Variants in ZNF385B observed in about 807,000 individuals in gnomAD.
ZNF385B encodes zinc finger protein 533.
Under a neutral mutation model 39.2 loss-of-function variants are expected in ZNF385B, and 23 were observed. The ratio of observed to expected loss-of-function variants is 0.59; its 90% CI spans 0.42 to 0.83. The LOEUF is 0.83. Among genes scored for constraint, ZNF385B ranks in the 40% least tolerant of loss-of-function variants. The pLI is 0.00. For missense variants in ZNF385B, 552 were observed against 598.9 expected (o/e 0.92, Z 0.82); for synonymous variants, 205 against 222.6 (o/e 0.92, Z 0.70).
chr2:179,472,763 C>T (rs1179981070), intron 6 of ZNF385B, among the ~76,000 whole-genome samples: 1 of 152,130 alleles, frequency 6.6e-6, no homozygotes, highest in African/African-American at 2.4e-5. Flanking sequence ...ATCATACCCC[C>T]CCTCCCTAGC....
intron 1 of ZNF385B, among the ~76,000 whole-genome samples, chr2:179,799,279 T>C (rs1175713160): frequency 6.6e-6 from 1 of 152,076 alleles, no homozygotes; most frequent in Non-Finnish European, 1.5e-5. Flanking sequence ...TTTAAAAGCA[T>C]ACCTCAAGCT....
chr2:179,648,055 A>G (rs1692882840), intron 3 of ZNF385B, among the ~76,000 whole-genome samples: 1 of 152,142 alleles, frequency 6.6e-6, no homozygotes, highest in African/African-American at 2.4e-5. Context: ...GGGCCTCCAG[A>G]GGACAATGAA....
intron 6 of ZNF385B, among the ~76,000 whole-genome samples, chr2:179,450,307 G>A (rs1040647398): frequency 2.6e-5 from 4 of 152,120 alleles, no homozygotes; most frequent in African/African-American, 9.7e-5. Flanking sequence ...CCATCAGAGC[G>A]AACAGGCAAC....
intron 4 of ZNF385B, among the ~76,000 whole-genome samples, chr2:179,522,508 A>G (rs2058575712): frequency 8.7e-6 from 1 of 115,368 alleles, no homozygotes; most frequent in Non-Finnish European, 1.8e-5. Context: ...CAAGTAACTC[A>G]TTTTAGTACA....
At chr2:179,732,316 C>T (rs1214725570) in intron 3 of ZNF385B, among the ~76,000 whole-genome samples, 1 of 152,192 alleles carries the variant, frequency 6.6e-6, no homozygotes, top group Non-Finnish European at 1.5e-5. Context: ...TTCACAAACA[C>T]TAACTTTACC....
At position 179,588,824 on chromosome 2, in the gene ZNF385B, G is replaced by A. The variant is rs527729202; in HGVS notation, c.299-43855C>T. 2.6e-5 allele frequency among the ~76,000 whole-genome samples: 4 copies of A among 152,274 alleles called. No individual in the cohort carries two copies. In the East Asian group the frequency reaches 7.7e-4, roughly 29 times the overall value. On this transcript the variant is annotated intron_variant, in intron 3 of 9. Coordinates refer to ENST00000410066, the MANE Select transcript of ZNF385B (RefSeq NM_152520.6). ...CCATCAATGGTGGTGAGTCTGAAAAGGAAAATGTGATGATACAATAGGGCT... is the reference window on the plus strand; with the variant it reads ...CCATCAATGGTGGTGAGTCTGAAAAAGAAAATGTGATGATACAATAGGGCT...
intron 3 of ZNF385B, among the ~76,000 whole-genome samples, chr2:179,674,541 T>G (rs1696487835): frequency 1.3e-5 from 2 of 152,238 alleles, no homozygotes; most frequent in South Asian, 4.1e-4. Flanking sequence ...GCCAATATTC[T>G]AGAATTTTCA....
intron 1 of ZNF385B, among the ~76,000 whole-genome samples, chr2:179,803,401 T>C (rs897925234): frequency 1.3e-5 from 2 of 152,208 alleles, no homozygotes; most frequent in Non-Finnish European, 2.9e-5. Context: ...CCATTTTTAC[T>C]AGTGCATGAC....
intron 1 of ZNF385B, among the ~76,000 whole-genome samples, chr2:179,849,935 T>C (rs1052602216): frequency 1.3e-5 from 2 of 152,208 alleles, no homozygotes; most frequent in East Asian, 1.9e-4. Flanking sequence ...CAGCACAACC[T>C]GTGAGAAGTC....
chr2:179,793,924 T>C (rs955371573), intron 1 of ZNF385B, among the ~76,000 whole-genome samples: 7 of 152,268 alleles, frequency 4.6e-5, no homozygotes, highest in Admixed American at 3.9e-4. Context: ...AAATGAGATA[T>C]GCAACCATTA....
chr2:179,443,072 C>G lies in ZNF385B; in HGVS notation c.*178G>C. On this transcript the variant is annotated 3_prime_UTR_variant, in exon 10 of 10. Coordinates refer to ENST00000410066, the MANE Select transcript of ZNF385B (RefSeq NM_152520.6). ...GATTCCTCAATTATAGGAGCAGTCTCTAAAAGCCCTCGTCAATCTAGTGAT... is the reference window on the plus strand; with the variant it reads ...GATTCCTCAATTATAGGAGCAGTCTGTAAAAGCCCTCGTCAATCTAGTGAT... 1.4e-6 allele frequency: 1 copy of G among 724,428 alleles called. No individual in the cohort carries two copies. The highest frequency in any genetic ancestry group is 1.7e-5 in the South Asian group (1 of 60,434). The allele number at this position is 724,428 out of a possible 1,614,324, so 44.9% of individuals were successfully genotyped here.
intron 1 of ZNF385B, among the ~76,000 whole-genome samples, chr2:179,839,175 G>A (rs539259491): frequency 3.4e-4 from 52 of 152,234 alleles, no homozygotes; most frequent in South Asian, 1.0e-3. Flanking sequence ...CCTTGAAAGC[G>A]TATTTGGCAT....
chr2:179,834,352 G>A (rs1708136482), intron 1 of ZNF385B, among the ~76,000 whole-genome samples: 1 of 152,094 alleles, frequency 6.6e-6, no homozygotes, highest in African/African-American at 2.4e-5. Context: ...CTCCTTCTAA[G>A]CTAGACCAAA....
intron 3 of ZNF385B, among the ~76,000 whole-genome samples, chr2:179,705,126 C>G (rs1315722190): frequency 1.3e-5 from 2 of 152,074 alleles, no homozygotes; most frequent in East Asian, 1.9e-4. Flanking sequence ...TCCCTACTAT[C>G]CTCCATCTCT....
chr2:179,630,031 G>A lies in ZNF385B; in HGVS notation c.299-85062C>T, dbSNP rs3106701. On this transcript the variant is annotated intron_variant, in intron 3 of 9. Coordinates refer to ENST00000410066, the MANE Select transcript of ZNF385B (RefSeq NM_152520.6). ...GGCCAAGAAGCTCAAACTGGGCGGAGCCCACTGCAGCTCAACAAGGCCTAC... is the reference window on the plus strand; with the variant it reads ...GGCCAAGAAGCTCAAACTGGGCGGAACCCACTGCAGCTCAACAAGGCCTAC... 4.8e-3 allele frequency among the ~76,000 whole-genome samples: 734 copies of A among 152,382 alleles called. 5 individuals are homozygous for A. Among genetic ancestry groups the A allele is most frequent in the African/African-American group, 0.014 (596 of 41,598 alleles).
In ZNF385B at chr2:179,569,486, A is replaced by G. The variant is rs114188097; in HGVS notation, c.299-24517T>C. On this transcript the variant is annotated intron_variant, in intron 3 of 9. Transcript: ENST00000410066. ...AAATCTAAATAAAATACCAAATCTC[A>G]CGGTGCCTTTAATATCACTGTGAAA... 7.2e-3 allele frequency among the ~76,000 whole-genome samples: 1,092 copies of G among 152,296 alleles called. 12 individuals carry two copies. The highest frequency in any genetic ancestry group is 0.025 in the African/African-American group (1,024 of 41,578).
intron 6 of ZNF385B, among the ~76,000 whole-genome samples, chr2:179,450,276 T>A (rs989040216): frequency 5.9e-5 from 9 of 152,120 alleles, no homozygotes; most frequent in African/African-American, 1.9e-4. Context: ...CTCAAGAGCT[T>A]CTGCACAGCA....
chr2:179,699,647 T>A (rs1047232115), intron 3 of ZNF385B, among the ~76,000 whole-genome samples: 1 of 152,212 alleles, frequency 6.6e-6, no homozygotes, highest in African/African-American at 2.4e-5. Flanking sequence ...CCTGATCCAC[T>A]TGACATGATA....
At chr2:179,644,032 C>A (rs954062931) in intron 3 of ZNF385B, among the ~76,000 whole-genome samples, 4 of 151,924 alleles carry the variant, frequency 2.6e-5, no homozygotes, top group African/African-American at 9.7e-5. Flanking sequence ...CAAAACACCC[C>A]CCACCCCACA....
Sources: gnomAD v4.1 joint callset for allele counts (sites outside exome capture counted in the v4.1 genomes callset) on GRCh38, gnomAD v4.1.1 for gene constraint, MANE v1.5 for transcripts, NCBI Gene and HGNC (gene_info 2026-07-23, HGNC 2026-07-21) for gene names.